Variants in DCAF8L2 observed in about 807,000 individuals in gnomAD.
DCAF8L2 encodes DDB1 and CUL4 associated factor 8 like 2, also known as DDB1- and CUL4-associated factor 8-like protein 2.
For synonymous variants in DCAF8L2, 200 were observed against 190.9 expected (o/e 1.05, Z -0.39); for missense variants, 430 against 490.7 (o/e 0.88, Z 1.17).
At position 27,599,818 on chromosome X, in the gene DCAF8L2, A is replaced by G. The variant is rs1002332897; in HGVS notation, c.-342+9378A>G. Among the ~76,000 whole-genome samples the G allele has an allele frequency of 9.8e-5, 11 of 112,060 alleles. No individual in the cohort carries two copies. The Admixed American group carries it at 1.1e-3, about 11-fold the overall frequency. ...CAAGAATTATATGAAACAATTCATT[A>G]TTATACAAATTGCTACAATGAAACT... On this transcript the variant is annotated intron_variant, in intron 1 of 4. Transcript: ENST00000451261.
chrX:27,600,279 G>A (rs2147119556), intron 1 of DCAF8L2, among the ~76,000 whole-genome samples: 1 of 112,128 alleles, frequency 8.9e-6, no homozygotes, highest in African/African-American at 3.2e-5. Flanking sequence ...GAAGGCTGAA[G>A]AATGTGTTGG....
the DCAF8L2 span, among the ~76,000 whole-genome samples, chrX:27,489,030 A>G: frequency 1.8e-5 from 2 of 111,361 alleles, no homozygotes; most frequent in South Asian, 7.6e-4. Context: ...CACTTCTGGG[A>G]CCATTGTATT....
intron 3 of DCAF8L2, among the ~76,000 whole-genome samples, chrX:27,704,712 A>G (rs1188625824): frequency 9.0e-6 from 1 of 111,652 alleles, no homozygotes; most frequent in Non-Finnish European, 1.9e-5. Flanking sequence ...TTAATTTGTT[A>G]GTTTGTAGTA....
chrX:27,699,676 G>T (rs770394028), intron 3 of DCAF8L2, among the ~76,000 whole-genome samples: 2 of 111,060 alleles, frequency 1.8e-5, no homozygotes, highest in South Asian at 7.6e-4. Flanking sequence ...AATAGCACCT[G>T]CTTCCATGCT....
intron 3 of DCAF8L2, among the ~76,000 whole-genome samples, chrX:27,704,044 G>C (rs1036003978): frequency 1.1e-4 from 9 of 81,022 alleles, no homozygotes; most frequent in Non-Finnish European, 2.1e-4. Flanking sequence ...ATAATGTAAA[G>C]ATAACACATT....
At chrX:27,511,478 A>G in the DCAF8L2 span, among the ~76,000 whole-genome samples, 29 of 112,061 alleles carry the variant, frequency 2.6e-4, no homozygotes, top group Admixed American at 2.7e-3. Flanking sequence ...ATTTTACTAA[A>G]TTGAATAAAA....
chrX:27,571,029 A>G, the DCAF8L2 span, among the ~76,000 whole-genome samples: 1 of 111,519 alleles, frequency 9.0e-6, no homozygotes, highest in Non-Finnish European at 1.9e-5. Flanking sequence ...TCTCTTATCC[A>G]TTTCAATATA....
chrX:27,737,664 G>T (rs1807834339), intron 4 of DCAF8L2, among the ~76,000 whole-genome samples: 1 of 110,467 alleles, frequency 9.1e-6, no homozygotes, highest in South Asian at 3.8e-4. Flanking sequence ...GCATACATTT[G>T]GCTATTTTAA....
intron 1 of DCAF8L2, among the ~76,000 whole-genome samples, chrX:27,614,052 G>T (rs1927330625): frequency 9.0e-6 from 1 of 111,185 alleles, no homozygotes; most frequent in East Asian, 2.8e-4. Flanking sequence ...TCTACCTCTG[G>T]TAGAATTCGG....
chrX:27,547,845 TTC>T, the DCAF8L2 span, among the ~76,000 whole-genome samples: 12,777 of 44,962 alleles, frequency 0.28, 1,769 homozygotes, highest in African/African-American at 0.48. Context: ...CTCTCTCTCT[TTC>T]TCTCTCTCTC....
chrX:27,692,020 G>A (rs948078787), intron 3 of DCAF8L2, among the ~76,000 whole-genome samples: 2 of 111,829 alleles, frequency 1.8e-5, no homozygotes, highest in African/African-American at 3.2e-5. Flanking sequence ...TATATTTGAT[G>A]TGGTTGAATA....
chrX:27,572,674 G>A, the DCAF8L2 span, among the ~76,000 whole-genome samples: 1 of 111,807 alleles, frequency 8.9e-6, no homozygotes, highest in South Asian at 3.8e-4. Flanking sequence ...ATGGAGTATA[G>A]CCCAGTATTT....
At chrX:27,540,741 A>C in the DCAF8L2 span, among the ~76,000 whole-genome samples, 1 of 112,055 alleles carries the variant, frequency 8.9e-6, no homozygotes, top group Non-Finnish European at 1.9e-5. Context: ...AACACAAATG[A>C]AATGATAAAT....
At chrX:27,583,824 G>T in the DCAF8L2 span, among the ~76,000 whole-genome samples, 4 of 111,420 alleles carry the variant, frequency 3.6e-5, no homozygotes, top group Non-Finnish European at 7.5e-5. Flanking sequence ...CCATGAAACC[G>T]ATCCCTGGTG....
At chrX:27,691,119 TGAG>T (rs1353331865) in intron 3 of DCAF8L2, among the ~76,000 whole-genome samples, 1 of 111,803 alleles carries the variant, frequency 8.9e-6, no homozygotes, top group African/African-American at 3.2e-5. Flanking sequence ...TTTAATATAT[TGAG>T]GAAAAAAGCT....
At chrX:27,650,147 G>C in intron 2 of DCAF8L2, among the ~76,000 whole-genome samples, 1 of 111,126 alleles carries the variant, frequency 9.0e-6, no homozygotes, top group East Asian at 2.8e-4. Flanking sequence ...CTGTTCCATT[G>C]GTCTATGTGT....
chrX:27,583,032 G>C, the DCAF8L2 span, among the ~76,000 whole-genome samples: 1 of 111,585 alleles, frequency 9.0e-6, no homozygotes, highest in South Asian at 3.8e-4. Context: ...GATCTCGTCT[G>C]TAGCAATTAT....
intron 4 of DCAF8L2, among the ~76,000 whole-genome samples, chrX:27,741,536 A>G: frequency 9.0e-6 from 1 of 110,631 alleles, no homozygotes; most frequent in Non-Finnish European, 1.9e-5. Context: ...ATAATAGGAT[A>G]CAAGAGTGAG....
intron 1 of DCAF8L2, among the ~76,000 whole-genome samples, chrX:27,624,502 A>T (rs1927922852): frequency 9.0e-6 from 1 of 111,391 alleles, no homozygotes; most frequent in African/African-American, 3.3e-5. Flanking sequence ...ATTAGAAAAA[A>T]AAAACTATTC....
Sources: gnomAD v4.1 joint callset for allele counts (sites outside exome capture counted in the v4.1 genomes callset) on GRCh38, gnomAD v4.1.1 for gene constraint, MANE v1.5 for transcripts, NCBI Gene and HGNC (gene_info 2026-07-23, HGNC 2026-07-21) for gene names.